The following PLCH1 variants were observed in gnomAD, a reference collection of about 807,000 sequenced individuals.
The protein encoded by PLCH1 is phospholipase C eta 1, also known as 1-phosphatidylinositol 4,5-bisphosphate phosphodiesterase eta-1.
PLCH1 carries 60 observed loss-of-function variants against 126.7 expected under a neutral mutation model. The observed-to-expected ratio is 0.47, with a 90% CI of 0.38 to 0.59. The LOEUF (loss-of-function observed/expected upper bound fraction) is 0.59. PLCH1 is among the 20% of genes least tolerant of loss of function. PLCH1 has a pLI of 0.00. For missense variants in PLCH1, 1,723 were observed against 2,040.0 expected (o/e 0.84, Z 2.99); for synonymous variants, 719 against 734.9 (o/e 0.98, Z 0.35).
At chr3:155,697,330 G>T (rs537054781) in intron 2 of PLCH1, among the ~76,000 whole-genome samples, 6 of 152,266 alleles carry the variant, frequency 3.9e-5, no homozygotes, top group Non-Finnish European at 8.8e-5. Context: ...AGTCCAAGGA[G>T]AGCTGTCAGT....
intron 1 of PLCH1, among the ~76,000 whole-genome samples, chr3:155,738,656 G>A (rs908258909): frequency 1.3e-5 from 2 of 151,886 alleles, no homozygotes; most frequent in African/African-American, 2.4e-5. Flanking sequence ...GCGTGCTGGC[G>A]GGTGCCTATA....
chr3:155,734,691 G>A (rs187106663), intron 1 of PLCH1, among the ~76,000 whole-genome samples: 28 of 151,322 alleles, frequency 1.9e-4, no homozygotes, highest in African/African-American at 5.8e-4. Context: ...TATACACACA[G>A]TAGCATTCTT....
intron 2 of PLCH1, among the ~76,000 whole-genome samples, chr3:155,674,888 C>A (rs61493707): frequency 6.6e-6 from 1 of 152,002 alleles, no homozygotes; most frequent in Non-Finnish European, 1.5e-5. Flanking sequence ...GCAAGACGAC[C>A]CTGATAGTAT....
At chr3:155,622,311 C>T (rs1308209662) in intron 2 of PLCH1, among the ~76,000 whole-genome samples, 1 of 152,180 alleles carries the variant, frequency 6.6e-6, no homozygotes, top group African/African-American at 2.4e-5. Context: ...AAAAACATAC[C>T]ACATGGTAAA....
At chr3:155,459,751 A>G (rs758082197) in intron 21 of PLCH1, among the ~76,000 whole-genome samples, 5 of 152,330 alleles carry the variant, frequency 3.3e-5, no homozygotes, top group Non-Finnish European at 7.3e-5. Context: ...TGATCAAGGC[A>G]GAGCCCAGGT....
At chr3:155,540,763 G>A (rs942591153) in intron 10 of PLCH1, among the ~76,000 whole-genome samples, 2 of 152,182 alleles carry the variant, frequency 1.3e-5, no homozygotes, top group Non-Finnish European at 2.9e-5. Flanking sequence ...CATAGATGTG[G>A]TGAAAACAGA....
chr3:155,482,130 G>A lies in PLCH1; in HGVS notation c.3896C>T (p.Ser1299Phe). ...TAALESNLPG[S>F]PNTSRGWLPK... ...TAACCAGCCACGAGAAGTATTAGGG[G>A]ATCCAGGCAGGTTGCTTTCTAAGGC... Residue 1299 changes from serine (S) to phenylalanine (F), a missense_variant, in exon 23 of 23, where the codon TCC becomes TTC. Physicochemically the swap from Ser to Phe is radical, Grantham distance 155. Around this residue, in one of 2 missense-constraint regions of PLCH1, gnomAD observed 947 missense variants for 977.1 expected, o/e 0.97. Coordinates refer to ENST00000460012, the MANE Select transcript of PLCH1 (RefSeq NM_014996.4). The A allele has an allele frequency of 6.2e-7, 1 of 1,614,096 alleles. No individual in the cohort carries two copies. The highest frequency in any genetic ancestry group is 8.5e-7 in the Non-Finnish European group (1 of 1,179,974).
intron 2 of PLCH1, among the ~76,000 whole-genome samples, chr3:155,652,763 T>C (rs1049426642): frequency 6.6e-6 from 1 of 152,142 alleles, no homozygotes; most frequent in Non-Finnish European, 1.5e-5. Context: ...AAAGGAGTCA[T>C]AACCCACCCT....
intron 9 of PLCH1, among the ~76,000 whole-genome samples, chr3:155,552,769 A>G (rs1225294928): frequency 6.6e-6 from 1 of 152,220 alleles, no homozygotes; most frequent in Non-Finnish European, 1.5e-5. Context: ...TTGAATCACC[A>G]TGCTCATATT....
At chr3:155,634,328 C>T (rs575540470) in intron 2 of PLCH1, among the ~76,000 whole-genome samples, 7 of 152,284 alleles carry the variant, frequency 4.6e-5, no homozygotes, top group South Asian at 4.1e-4. Flanking sequence ...TGCTTAACTG[C>T]GCTGCCTACT....
intron 2 of PLCH1, among the ~76,000 whole-genome samples, chr3:155,600,297 C>T (rs1036099384): frequency 6.6e-6 from 1 of 152,318 alleles, no homozygotes; most frequent in Non-Finnish European, 1.5e-5. Context: ...CGTGTCAGCA[C>T]AAGCCACTTT....
chr3:155,661,789 G>A (rs1348273650), intron 2 of PLCH1, among the ~76,000 whole-genome samples: 1 of 152,178 alleles, frequency 6.6e-6, no homozygotes, highest in Admixed American at 6.5e-5. Context: ...AGTTAGGGTT[G>A]TGGTCTGCTC....
intron 8 of PLCH1, among the ~76,000 whole-genome samples, chr3:155,563,865 C>A (rs1727956657): frequency 6.6e-6 from 1 of 152,120 alleles, no homozygotes; most frequent in Non-Finnish European, 1.5e-5. Flanking sequence ...GCACTTCATT[C>A]TCTATACCAC....
chr3:155,651,517 A>G (rs1740712251), intron 2 of PLCH1, among the ~76,000 whole-genome samples: 1 of 152,154 alleles, frequency 6.6e-6, no homozygotes, highest in South Asian at 2.1e-4. Context: ...TTTATATTTT[A>G]TTTCACATAC....
intron 12 of PLCH1, among the ~76,000 whole-genome samples, chr3:155,511,270 A>G (rs1719439675): frequency 7.8e-6 from 1 of 128,470 alleles, no homozygotes; most frequent in African/African-American, 3.6e-5. Context: ...AATTTTTTCA[A>G]AGTTTTCAAC....
intron 2 of PLCH1, among the ~76,000 whole-genome samples, chr3:155,608,381 G>A (rs1005386792): frequency 3.3e-5 from 5 of 152,232 alleles, no homozygotes; most frequent in Non-Finnish European, 7.3e-5. Flanking sequence ...TGAGCAGGCA[G>A]GGAGGGGTGA....
chr3:155,624,595 A>G (rs1331681215), intron 2 of PLCH1, among the ~76,000 whole-genome samples: 1 of 122,478 alleles, frequency 8.2e-6, no homozygotes, highest in Non-Finnish European at 1.6e-5. Context: ...AAGCATTCCT[A>G]TACACGAATA....
intron 21 of PLCH1, among the ~76,000 whole-genome samples, chr3:155,465,334 C>G (rs143367229): frequency 1.3e-4 from 20 of 152,198 alleles, no homozygotes; most frequent in Admixed American, 4.6e-4. Flanking sequence ...CATGAGACCC[C>G]TGTTCCAAAC....
At chr3:155,561,354 A>G (rs1727584954) in intron 8 of PLCH1, among the ~76,000 whole-genome samples, 1 of 143,606 alleles carries the variant, frequency 7.0e-6, no homozygotes, top group Non-Finnish European at 1.5e-5. Flanking sequence ...TCATTGTTCA[A>G]TTCCCACCTA....
Sources: allele counts gnomAD v4.1 joint callset (sites outside exome capture counted in the v4.1 genomes callset), GRCh38; gene constraint gnomAD v4.1.1; regional missense constraint gnomAD v4.1.1; transcripts MANE v1.5; gene names NCBI Gene and HGNC (gene_info 2026-07-23, HGNC 2026-07-21).